The following CACNA2D3 variants were observed in gnomAD, a reference collection of about 807,000 sequenced individuals.
The protein encoded by CACNA2D3 is calcium voltage-gated channel auxiliary subunit alpha2delta 3.
Under a neutral mutation model 160.6 loss-of-function variants are expected in CACNA2D3, and 60 were observed. The ratio of observed to expected loss-of-function variants is 0.37; its 90% CI spans 0.30 to 0.46. The LOEUF (loss-of-function observed/expected upper bound fraction) is 0.46. CACNA2D3 is among the 20% of genes least tolerant of loss of function. The pLI is 1.00. For missense variants in CACNA2D3, 1,205 were observed against 1,365.0 expected, an observed-to-expected ratio of 0.88 and a Z score of 1.85; for synonymous variants, 558 against 492.9, an observed-to-expected ratio of 1.13 and a Z score of -1.75.
chr3:54,363,222 A>G (rs916596919), intron 3 of CACNA2D3, among the ~76,000 whole-genome samples: 10 of 151,756 alleles, frequency 6.6e-5, no homozygotes, highest in Non-Finnish European at 1.5e-4. Flanking sequence ...AATGTGCAAC[A>G]TCAATCACTT....
intron 2 of CACNA2D3, among the ~76,000 whole-genome samples, chr3:54,152,415 C>G (rs1259194695): frequency 6.6e-6 from 1 of 152,158 alleles, no homozygotes; most frequent in African/African-American, 2.4e-5. Context: ...CCATGAGCGA[C>G]TTTGTCTTCT....
At chr3:54,346,456 A>T (rs1698460257) in intron 3 of CACNA2D3, among the ~76,000 whole-genome samples, 1 of 152,160 alleles carries the variant, frequency 6.6e-6, no homozygotes, top group South Asian at 2.1e-4. Context: ...TGTATTTGGG[A>T]TCTCTGTGAA....
At chr3:54,351,967 TCA>T (rs1211881438) in intron 3 of CACNA2D3, among the ~76,000 whole-genome samples, 1 of 152,232 alleles carries the variant, frequency 6.6e-6, no homozygotes, top group Admixed American at 6.5e-5. Flanking sequence ...AGCACTTCTC[TCA>T]GAGTCTGCAG....
At chr3:54,893,063 G>T (rs550991112) in intron 25 of CACNA2D3, among the ~76,000 whole-genome samples, 2 of 152,186 alleles carry the variant, frequency 1.3e-5, no homozygotes, top group Non-Finnish European at 2.9e-5. Context: ...ATCACTTGAG[G>T]TCAGGAGTTT....
At chr3:54,844,543 CT>C (rs1698891760) in intron 16 of CACNA2D3, among the ~76,000 whole-genome samples, 1 of 152,080 alleles carries the variant, frequency 6.6e-6, no homozygotes, top group African/African-American at 2.4e-5. Flanking sequence ...CTACTTCCAC[CT>C]TTTTCTCTTT....
intron 2 of CACNA2D3, among the ~76,000 whole-genome samples, chr3:54,148,646 G>A (rs1222382098): frequency 4.6e-5 from 7 of 152,110 alleles, no homozygotes; most frequent in Admixed American, 1.3e-4. Flanking sequence ...CTTTCACCGT[G>A]GACTGGGTGG....
intron 2 of CACNA2D3, among the ~76,000 whole-genome samples, chr3:54,139,793 G>A (rs530729541): frequency 4.3e-4 from 65 of 152,304 alleles, no homozygotes; most frequent in African/African-American, 1.5e-3. Context: ...AGTGTGGTGT[G>A]TTCACAGCCC....
chr3:54,183,754 G>T (rs1279468139), intron 2 of CACNA2D3, among the ~76,000 whole-genome samples: 1 of 151,506 alleles, frequency 6.6e-6, no homozygotes, highest in Non-Finnish European at 1.5e-5. Flanking sequence ...ACATGGTGGC[G>T]CATGACTGTA....
chr3:54,326,867 A>C (rs1394289429), intron 3 of CACNA2D3, among the ~76,000 whole-genome samples: 2 of 152,232 alleles, frequency 1.3e-5, no homozygotes, highest in Non-Finnish European at 2.9e-5. Flanking sequence ...GAAAAAAATA[A>C]TGTTTTCTGT....
intron 26 of CACNA2D3, among the ~76,000 whole-genome samples, chr3:54,899,309 T>A (rs1700272077): frequency 6.6e-6 from 1 of 152,208 alleles, no homozygotes. Flanking sequence ...CCAGAAAAAC[T>A]GGGCTCGAAA....
chr3:54,163,406 A>G lies in CACNA2D3; in HGVS notation c.204+39812A>G, dbSNP rs572745536. 4.6e-5 allele frequency among the ~76,000 whole-genome samples: 7 copies of G among 151,898 alleles called. No individual in the cohort carries two copies. In the South Asian group the frequency reaches 1.5e-3, roughly 32 times the overall value. ...TTTTCCACGTTCCTTTCATCCCAGG[A>G]CTCCGGCTGAAGGACCTGCCATTCT... On this transcript the variant is annotated intron_variant, in intron 2 of 37. Coordinates refer to ENST00000474759, the MANE Select transcript of CACNA2D3 (RefSeq NM_018398.3).
intron 2 of CACNA2D3, among the ~76,000 whole-genome samples, chr3:54,191,413 CA>C (rs1700981286): frequency 6.6e-6 from 1 of 151,838 alleles, no homozygotes; most frequent in African/African-American, 2.4e-5. Flanking sequence ...TCATCATCAT[CA>C]TCATCATCAT....
intron 2 of CACNA2D3, among the ~76,000 whole-genome samples, chr3:54,296,163 G>A (rs1307831600): frequency 2.0e-5 from 3 of 152,206 alleles, no homozygotes; most frequent in East Asian, 1.9e-4. Flanking sequence ...TTTGGAAGAC[G>A]CCTGGGCACT....
intron 27 of CACNA2D3, among the ~76,000 whole-genome samples, chr3:54,961,890 G>A (rs1338136065): frequency 6.6e-6 from 1 of 152,114 alleles, no homozygotes; most frequent in Admixed American, 6.5e-5. Context: ...CAGAGGCTGA[G>A]AAGTCCAAGT....
At chr3:54,151,773 A>T (rs1327242414) in intron 2 of CACNA2D3, among the ~76,000 whole-genome samples, 1 of 152,118 alleles carries the variant, frequency 6.6e-6, no homozygotes, top group African/African-American at 2.4e-5. Context: ...CTGTGTAGTC[A>T]GGTGTCATAC....
intron 17 of CACNA2D3, among the ~76,000 whole-genome samples, chr3:54,851,545 G>C (rs1339947846): frequency 1.3e-5 from 2 of 152,222 alleles, no homozygotes; most frequent in Non-Finnish European, 2.9e-5. Context: ...GGGAGGCAGA[G>C]TGGTTGGAGG....
At chr3:54,517,469 G>A (rs1158215087) in intron 5 of CACNA2D3, among the ~76,000 whole-genome samples, 3 of 152,122 alleles carry the variant, frequency 2.0e-5, no homozygotes, top group Admixed American at 6.5e-5. Context: ...CAAGACCCTC[G>A]CCCCAGGGCC....
In CACNA2D3 at chr3:54,794,354, G is replaced by A. The variant is rs532076505; in HGVS notation, c.1381-22499G>A. On this transcript the variant is annotated intron_variant, in intron 13 of 37. Transcript: ENST00000474759. ...GCAATGCCCCCCTTTCACACTATAC[G>A]CTATTATTAAGATACTTTTTACTTC... 5.3e-5 allele frequency among the ~76,000 whole-genome samples: 8 copies of A among 152,022 alleles called. No homozygotes were observed. The South Asian group carries it at 1.5e-3, about 28-fold the overall frequency.
At chr3:54,212,267 A>G (rs946180195) in intron 2 of CACNA2D3, among the ~76,000 whole-genome samples, 15 of 152,154 alleles carry the variant, frequency 9.9e-5, no homozygotes, top group Non-Finnish European at 1.0e-4. Context: ...TAATACATCA[A>G]TCAGTATCTG....
Sources: gnomAD v4.1 joint callset for allele counts (sites outside exome capture counted in the v4.1 genomes callset) on GRCh38, gnomAD v4.1.1 for gene constraint, MANE v1.5 for transcripts, NCBI Gene and HGNC (gene_info 2026-07-23, HGNC 2026-07-21) for gene names.